The following EPS15L1 variants were observed in gnomAD, a reference collection of about 807,000 sequenced individuals.
The protein encoded by EPS15L1 is epidermal growth factor receptor pathway substrate 15 like 1, also known as epidermal growth factor receptor substrate 15-like 1.
A neutral mutation model predicts 117.1 loss-of-function variants in EPS15L1; 43 were observed. The observed-to-expected ratio is 0.37, with a 90% confidence interval of 0.29 to 0.47. The LOEUF (loss-of-function observed/expected upper bound fraction) is 0.47, where lower values mean the gene tolerates loss of function less well. Among genes scored for constraint, EPS15L1 ranks in the 20% least tolerant of loss-of-function variants. EPS15L1 has a pLI of 0.99. For missense variants in EPS15L1, 981 were observed against 1,164.0 expected, an observed-to-expected ratio of 0.84 and a Z score of 2.29; for synonymous variants, 459 against 470.5, an observed-to-expected ratio of 0.98 and a Z score of 0.32.
chr19:16,405,734 A>G lies in EPS15L1; in HGVS notation c.1267-985T>C, dbSNP rs2092649712. Among the ~76,000 whole-genome samples, 1 of 152,158 alleles carries G rather than the reference A, an allele frequency of 6.6e-6. No individual in the cohort carries two copies. The highest frequency in any genetic ancestry group is 6.5e-5 in the Admixed American group (1 of 15,272). ...GGGAGGGTATGTGTGGTATGCATCA[A>G]CCTTTCTGGAAGGCCCCCTCCAGGA... On this transcript the variant is annotated intron_variant, in intron 13 of 23. Coordinates refer to ENST00000455140, the MANE Select transcript of EPS15L1 (RefSeq NM_001258374.3). This position sits in a 1 kb window ranked among gnomAD's most constrained non-coding sequence, Gnocchi z 4.0.
intron 23 of EPS15L1, among the ~76,000 whole-genome samples, chr19:16,361,012 C>T (rs2092042904): frequency 6.6e-6 from 1 of 152,174 alleles, no homozygotes; most frequent in Non-Finnish European, 1.5e-5. Context: ...TTTCAGAGAA[C>T]AAGATTTTCA....
Position 16,427,847 on chromosome 19 carries a change from T to C in EPS15L1, c.558+855A>G, listed in dbSNP as rs530547028. ...AGGTGGAGGCTGCAGTGAACCAAGA[T>C]TGCACCACTGCACTCCAGCCTGGGT... is the stretch of plus-strand genomic sequence containing the variant. On this transcript the variant is annotated intron_variant, in intron 8 of 23. Transcript: ENST00000455140. Among the ~76,000 whole-genome samples, 29 of 151,502 alleles carry C rather than the reference T, an allele frequency of 1.9e-4. 1 individual carries two copies. The highest frequency in any genetic ancestry group is 7.0e-4 in the African/African-American group (29 of 41,254).
intron 12 of EPS15L1, 91 bp downstream of exon 12, chr19:16,417,461 A>G: frequency 8.9e-7 from 1 of 1,123,858 alleles, no homozygotes; most frequent in Non-Finnish European, 1.3e-6. Context: ...TGATGAGCAA[A>G]CTTCCAGGTG....
chr19:16,391,346 G>A, intron 19 of EPS15L1, among the ~76,000 whole-genome samples: 1 of 152,126 alleles, frequency 6.6e-6, no homozygotes, highest in Non-Finnish European at 1.5e-5. Flanking sequence ...GGAATGCTAG[G>A]GAAATTCTCA....
At chr19:16,403,436 C>T (rs992493552) in intron 15 of EPS15L1, among the ~76,000 whole-genome samples, 1 of 152,176 alleles carries the variant, frequency 6.6e-6, no homozygotes, top group Non-Finnish European at 1.5e-5. Flanking sequence ...GGAAAGAACC[C>T]CAAGTTCTCT....
At chr19:16,472,001 C>T (rs1176695181), upstream of EPS15L1, 2 of 1,229,472 alleles carry the variant, frequency 1.6e-6, no homozygotes, top group Non-Finnish European at 2.0e-6. Flanking sequence ...GCTGCAGCCA[C>T]GCGTGCGCAC....
In EPS15L1 at chr19:16,402,545, G is replaced by C. The variant is rs572182050; in HGVS notation, c.1627-60C>G. The C allele has an allele frequency of 3.7e-4, 540 of 1,470,444 alleles. 4 individuals are homozygous for C. In the Middle Eastern group the frequency reaches 4.1e-3, roughly 11 times the overall value. 91.1% of individuals were successfully genotyped at this position (1,470,444 alleles called of 1,614,324 possible). A position where few individuals can be genotyped will look rare whatever the true frequency, so the allele number is the denominator to read the frequency against. ...GTCAGGAAAACATGTCAGAAAAGAC[G>C]CTTTTTTTTTTTAAAACACAGGGTC... On this transcript the variant is annotated intron_variant, in intron 15 of 23. Transcript: ENST00000455140.
intron 13 of EPS15L1, among the ~76,000 whole-genome samples, chr19:16,410,092 C>G (rs1339339092): frequency 6.6e-6 from 1 of 151,662 alleles, no homozygotes; most frequent in African/African-American, 2.4e-5. Flanking sequence ...TGAGATTGCA[C>G]CCTTGTGCTC....
At chr19:16,423,701 G>T (rs769807744) in intron 9 of EPS15L1, among the ~76,000 whole-genome samples, 1 of 152,184 alleles carries the variant, frequency 6.6e-6, no homozygotes, top group Non-Finnish European at 1.5e-5. Flanking sequence ...TCTGGTGGAC[G>T]TAAAGATGCC....
At chr19:16,387,983 G>A (rs543429742) in intron 19 of EPS15L1, among the ~76,000 whole-genome samples, 1 of 152,124 alleles carries the variant, frequency 6.6e-6, no homozygotes, top group East Asian at 1.9e-4. Flanking sequence ...AGAAAGAGAG[G>A]GGAGAGAAAA....
intron 8 of EPS15L1, among the ~76,000 whole-genome samples, chr19:16,426,094 G>A (rs2092869657): frequency 1.3e-5 from 2 of 152,170 alleles, no homozygotes; most frequent in South Asian, 4.1e-4. Context: ...AGCACAGAGG[G>A]AAAAAGAGCA....
chr19:16,411,108 A>G (rs1175750529), intron 13 of EPS15L1, among the ~76,000 whole-genome samples: 1 of 152,170 alleles, frequency 6.6e-6, no homozygotes, highest in Non-Finnish European at 1.5e-5. Flanking sequence ...CCTGAGATAA[A>G]TGCAAACAGG....
At chr19:16,422,559 C>T (rs1158491840) in intron 9 of EPS15L1, among the ~76,000 whole-genome samples, 3 of 152,140 alleles carry the variant, frequency 2.0e-5, no homozygotes, top group Non-Finnish European at 4.4e-5. Flanking sequence ...TCGATTGTTC[C>T]TTCTCCACGC....
chr19:16,397,759 G>A (rs966432094), intron 16 of EPS15L1, among the ~76,000 whole-genome samples: 1 of 151,904 alleles, frequency 6.6e-6, no homozygotes, highest in African/African-American at 2.4e-5. Context: ...ATTTACTTTT[G>A]AAGAGCACAT....
At chr19:16,401,896 G>A (rs952326631) in intron 16 of EPS15L1, 10 of 992,612 alleles carry the variant, frequency 1.0e-5, no homozygotes, top group Non-Finnish European at 9.6e-6. Flanking sequence ...GGTGTTCCTT[G>A]TGGAAACACA....
chr19:16,428,414 GGGAA>G (rs770246482), intron 8 of EPS15L1, among the ~76,000 whole-genome samples: 3,915 of 133,216 alleles, frequency 0.029, 179 homozygotes, highest in African/African-American at 0.097. Flanking sequence ...AAGGGAGGGA[GGGAA>G]GGAAGGAAGG....
intron 5 of EPS15L1, 127 bp from the exon 6 acceptor site, chr19:16,437,126 C>T: frequency 2.7e-6 from 2 of 742,390 alleles, no homozygotes; most frequent in Non-Finnish European, 2.3e-6. Context: ...AAGTTAAACA[C>T]AGAATCACCA....
At chr19:16,466,312 A>C (rs760463185) in intron 1 of EPS15L1, among the ~76,000 whole-genome samples, 4 of 152,094 alleles carry the variant, frequency 2.6e-5, no homozygotes, top group Non-Finnish European at 4.4e-5. Flanking sequence ...GGGAGGATGA[A>C]CCAGGCAATC....
chr19:16,444,197 A>C (rs922491841), intron 1 of EPS15L1, among the ~76,000 whole-genome samples: 2 of 151,860 alleles, frequency 1.3e-5, no homozygotes, highest in African/African-American at 4.8e-5. Context: ...AGGAAAAGAA[A>C]GGGGGAAACA....
Sources: gnomAD v4.1 joint callset for allele counts (sites outside exome capture counted in the v4.1 genomes callset) on GRCh38, gnomAD v4.1.1 for gene constraint, Gnocchi (gnomAD v3.1) non-coding constraint, MANE v1.5 for transcripts, NCBI Gene and HGNC (gene_info 2026-07-23, HGNC 2026-07-21) for gene names.